The following CAMK2A variants were observed in gnomAD, a reference collection of about 807,000 sequenced individuals.
CAMK2A encodes the protein calcium/calmodulin-dependent protein kinase type II subunit alpha.
Under a neutral mutation model 79.2 loss-of-function variants are expected in CAMK2A, and 7 were observed. That is an observed-to-expected ratio of 0.09 (90% CI 0.05 to 0.17). CAMK2A has a LOEUF of 0.17. CAMK2A is among the 10% of genes least tolerant of loss of function. CAMK2A has a pLI of 1.00. For synonymous variants in CAMK2A, 242 were observed against 251.7 expected, an observed-to-expected ratio of 0.96 and a Z score of 0.36; for missense variants, 214 against 646.4, an observed-to-expected ratio of 0.33 and a Z score of 7.25.
chr5:150,265,739 C>T (rs1256154488), intron 2 of CAMK2A, among the ~76,000 whole-genome samples: 8 of 151,944 alleles, frequency 5.3e-5, no homozygotes, highest in Non-Finnish European at 1.5e-5. Flanking sequence ...CTCAGGAGTT[C>T]GAGACCAGCC....
chr5:150,257,713 G>A (rs1756120507), intron 3 of CAMK2A, 96 bp from the exon 4 acceptor site: 9 of 950,772 alleles, frequency 9.5e-6, no homozygotes, highest in East Asian at 5.3e-5. Context: ...AACACCCCCC[G>A]CTCCCAGACA....
At chr5:150,273,042 C>A (rs1175805196) in intron 2 of CAMK2A, 23 bp downstream of exon 2, 6 of 1,584,698 alleles carry the variant, frequency 3.8e-6, no homozygotes, top group Non-Finnish European at 5.2e-6. Context: ...GGAGGGTGGG[C>A]AGGGTAGAAA....
At chr5:150,251,957 C>A (rs1488485309) in intron 8 of CAMK2A, 25 bp downstream of exon 8, 1 of 1,608,734 alleles carries the variant, frequency 6.2e-7, no homozygotes, top group East Asian at 2.2e-5. Flanking sequence ...GCCAGGGGCA[C>A]AAAAGGGCCT....
rs1219865499 is a variant in CAMK2A, at chr5:150,241,444, CTCTT to C, written c.985-1712_985-1709del. Among the ~76,000 whole-genome samples the C allele has an allele frequency of 4.3e-5, 6 of 138,128 alleles. No individual in the cohort carries two copies. The South Asian group carries it at 1.5e-3, about 35-fold the overall frequency. 90.6% of individuals were successfully genotyped at this position (138,128 alleles called of 152,430 possible). ...CTCTTCCCCTCCCCTCCCCTCCTCT[CTCTT>C]TTACTCCGTTCCCTCGCCCTCCCCT... On this transcript the variant is annotated intron_variant, in intron 13 of 18. Transcript: ENST00000671881.
At chr5:150,267,185 C>T (rs539567167) in intron 2 of CAMK2A, among the ~76,000 whole-genome samples, 23 of 152,332 alleles carry the variant, frequency 1.5e-4, no homozygotes, top group Non-Finnish European at 2.4e-4. Flanking sequence ...GACTTCTGGG[C>T]AGAGGAAGGG....
intron 15 of CAMK2A, among the ~76,000 whole-genome samples, chr5:150,237,090 G>A (rs7710116): frequency 0.019 from 2,899 of 152,218 alleles, 99 homozygotes; most frequent in African/African-American, 0.067. Context: ...CTAGGGCCAG[G>A]TTGTGGTGAT....
At chr5:150,248,670 A>AT (rs1186653104) in intron 11 of CAMK2A, among the ~76,000 whole-genome samples, 3 of 152,034 alleles carry the variant, frequency 2.0e-5, no homozygotes, top group African/African-American at 4.8e-5. Context: ...GGAACTCATC[A>AT]TTTTTTATGG....
intron 12 of CAMK2A, among the ~76,000 whole-genome samples, chr5:150,247,289 C>T (rs1003910778): frequency 2.0e-5 from 3 of 152,264 alleles, no homozygotes; most frequent in Admixed American, 1.3e-4. Flanking sequence ...AGCTCACCTT[C>T]CTGAGCTTCT....
Position 150,223,362 on chromosome 5 carries a change from T to C in CAMK2A, c.1238-145A>G, listed in dbSNP as rs967440522. ...AGGGAAGGGGCCTGTGTGGCAGGAC[T>C]CAGCTACCTGGGATCAAGGTAGAAC... is the stretch of plus-strand genomic sequence containing the variant. On this transcript the variant is annotated intron_variant, in intron 17 of 18. Coordinates refer to ENST00000671881, the MANE Select transcript of CAMK2A (RefSeq NM_015981.4). This position sits in a 1 kb window ranked among gnomAD's most constrained non-coding sequence, Gnocchi z 4.1. The C allele has an allele frequency of 1.9e-5, 12 of 645,260 alleles. No homozygotes were observed. Among genetic ancestry groups the C allele is most frequent in the Admixed American group, 1.5e-4 (6 of 39,334 alleles). The allele number at this position is 645,260 out of a possible 1,614,324, so 40.0% of individuals were successfully genotyped here. A position where few individuals can be genotyped will look rare whatever the true frequency, so the allele number is the denominator to read the frequency against.
chr5:150,223,065 G>A lies in CAMK2A; in HGVS notation c.1390C>T (p.Arg464Cys), dbSNP rs367551385. 4.3e-6 allele frequency: 7 copies of A among 1,614,218 alleles called. No homozygotes were observed. Among genetic ancestry groups the A allele is most frequent in the Admixed American group, 1.7e-5 (1 of 60,034 alleles). The change falls in exon 18 of 19, where the codon CGT becomes TGT. Residue 464 changes from arginine to cysteine, a missense_variant. Arg to Cys is a radical substitution (Grantham distance 180). Transcript: ENST00000671881. The surrounding 1 kb of genome is among the most constrained non-coding windows in gnomAD (Gnocchi z 4.1). ...TTGCCATCCCGGCGGTGCCAGACACGGGTCTCCTCCGACTGGGCGGTGCGT... is the reference window on the plus strand; with the variant it reads ...TTGCCATCCCGGCGGTGCCAGACACAGGTCTCCTCCGACTGGGCGGTGCGT... ...IPRTAQSEET[R>C]VWHRRDGKWQ...
intron 3 of CAMK2A, among the ~76,000 whole-genome samples, chr5:150,259,866 G>A (rs1453650836): frequency 6.6e-6 from 1 of 151,942 alleles, no homozygotes. Flanking sequence ...CTGCTCGGGA[G>A]GCTGAGGCAG....
At chr5:150,253,632 G>A (rs1368134417) in intron 6 of CAMK2A, 86 bp from the exon 7 acceptor site, 3 of 1,159,826 alleles carry the variant, frequency 2.6e-6, no homozygotes, top group East Asian at 2.4e-5. Flanking sequence ...CTAGGGGCCT[G>A]GGCTCACAGG....
chr5:150,224,194 TTCC>T (rs1313601328), intron 17 of CAMK2A, among the ~76,000 whole-genome samples: 1 of 152,186 alleles, frequency 6.6e-6, no homozygotes, highest in Non-Finnish European at 1.5e-5. Flanking sequence ...ACTCGATGTT[TTCC>T]TCAAGATAGG....
At chr5:150,225,650 A>G (rs1754566916) in intron 17 of CAMK2A, among the ~76,000 whole-genome samples, 1 of 152,306 alleles carries the variant, frequency 6.6e-6, no homozygotes, top group South Asian at 2.1e-4. Flanking sequence ...AGACTGTAAG[A>G]TGGTGGCTAC....
intron 7 of CAMK2A, among the ~76,000 whole-genome samples, chr5:150,252,421 G>A (rs1235633727): frequency 6.6e-6 from 1 of 152,164 alleles, no homozygotes; most frequent in Non-Finnish European, 1.5e-5. Context: ...TCCATTGCTG[G>A]TGGCTTCAAG....
chr5:150,259,207 G>GATAAA (rs777315449), intron 3 of CAMK2A, among the ~76,000 whole-genome samples: 43 of 151,284 alleles, frequency 2.8e-4, no homozygotes, highest in East Asian at 1.2e-3. Flanking sequence ...AATAAAATAA[G>GATAAA]ATAAAATAAA....
chr5:150,278,706 T>C (rs1304936588), intron 1 of CAMK2A, among the ~76,000 whole-genome samples: 1 of 146,506 alleles, frequency 6.8e-6, no homozygotes, highest in Non-Finnish European at 1.5e-5. Flanking sequence ...CCTCGAGGGG[T>C]GTAGGGGAAT....
chr5:150,283,782 G>A (rs1757310250), intron 1 of CAMK2A, among the ~76,000 whole-genome samples: 1 of 152,200 alleles, frequency 6.6e-6, no homozygotes, highest in Non-Finnish European at 1.5e-5. Flanking sequence ...CTTGCATGTG[G>A]TGCATGCTGG....
intron 1 of CAMK2A, among the ~76,000 whole-genome samples, chr5:150,275,768 C>A (rs185114312): frequency 4.6e-5 from 7 of 152,298 alleles, no homozygotes; most frequent in Admixed American, 3.9e-4. Context: ...AACACAGGAA[C>A]TTTAGTCCCC....
Sources: gnomAD v4.1 joint callset for allele counts (sites outside exome capture counted in the v4.1 genomes callset) on GRCh38, gnomAD v4.1.1 for gene constraint, Gnocchi (gnomAD v3.1) non-coding constraint, MANE v1.5 for transcripts, NCBI Gene and HGNC (gene_info 2026-07-23, HGNC 2026-07-21) for gene names.